Variants in PLEKHH2 observed in about 807,000 individuals in gnomAD.
The protein encoded by PLEKHH2 is pleckstrin homology, MyTH4 and FERM domain containing H2.
Under a neutral mutation model 187.9 loss-of-function variants are expected in PLEKHH2, and 129 were observed. The observed-to-expected ratio is 0.69, with a 90% CI of 0.59 to 0.79. The LOEUF (loss-of-function observed/expected upper bound fraction) is 0.79, where lower values mean the gene tolerates loss of function less well. PLEKHH2 is among the 30% of genes least tolerant of loss of function. The pLI, the probability that PLEKHH2 is intolerant of heterozygous loss-of-function variation, is 0.00. For missense variants in PLEKHH2, 2,076 were observed against 1,751.2 expected, an observed-to-expected ratio of 1.19 and a Z score of -3.31; for synonymous variants, 686 against 605.6, an observed-to-expected ratio of 1.13 and a Z score of -1.95.
At chr2:43,672,183 A>G (rs962605206) in intron 2 of PLEKHH2, among the ~76,000 whole-genome samples, 4 of 152,136 alleles carry the variant, frequency 2.6e-5, no homozygotes, top group Admixed American at 1.3e-4. Context: ...ATTTCATAAT[A>G]TTGTTATCTC....
Position 43,697,256 on chromosome 2 carries a change from T to C in PLEKHH2, c.588T>C (p.Phe196=). The change falls in exon 7 of 30, where the codon TTT becomes TTC. Residue 196 remains phenylalanine, a synonymous_variant. Transcript: ENST00000282406. ...QRLSSLTFGC[F]LSRARSPPQV... ...TGAGCAGTTTGACCTTTGGGTGCTT[T>C]TTATCTCGAGCAAGGAGTCCTCCTC... The C allele has an allele frequency of 6.2e-7, 1 of 1,613,986 alleles. No individual in the cohort carries two copies.
chr2:43,765,338 G>A, intron 29 of PLEKHH2, 75 bp from the exon 30 acceptor site: 1 of 1,439,618 alleles, frequency 6.9e-7, no homozygotes, highest in Admixed American at 1.8e-5. Flanking sequence ...GCTCACCTGT[G>A]GCCAACACTT....
chr2:43,717,052 G>T lies in PLEKHH2; in HGVS notation c.2461-3617G>T, dbSNP rs142761319. On this transcript the variant is annotated intron_variant, in intron 15 of 29. Transcript: ENST00000282406. ...CCCAAGTTGGCAGAGAAGGACATGG[G>T]GCCAGGAGGGGACTGATAAGCTAGA... 7.6e-3 allele frequency among the ~76,000 whole-genome samples: 1,162 copies of T among 152,288 alleles called. 4 individuals are homozygous for T. The highest frequency in any genetic ancestry group is 0.012 in the Non-Finnish European group (837 of 68,018).
In PLEKHH2 at chr2:43,745,838, A is replaced by G. The variant is rs752502703; in HGVS notation, c.3556-28A>G. The G allele has an allele frequency of 5.2e-6, 8 of 1,533,314 alleles. No homozygotes were observed. In the South Asian group the frequency reaches 9.3e-5, roughly 18 times the overall value. The allele number at this position is 1,533,314 out of a possible 1,614,324, so 95.0% of individuals were successfully genotyped here. On this transcript the variant is annotated intron_variant, in intron 23 of 29. Transcript: ENST00000282406. ...AAAATGTTGATTTGAAAAGTACTGT[A>G]AATCTCAGTTTTCCACTTCCTTTCT... is the stretch of plus-strand genomic sequence containing the variant.
chr2:43,740,730 A>G (rs1033607103), intron 20 of PLEKHH2: 2 of 738,686 alleles, frequency 2.7e-6, no homozygotes, highest in Non-Finnish European at 3.6e-6. Flanking sequence ...TCAGTTGTAG[A>G]TAACCATACA....
Position 43,726,185 on chromosome 2 carries a change from A to C in PLEKHH2, c.2542-87A>C. 3.2e-6 allele frequency: 3 copies of C among 941,036 alleles called. 1 individual carries two copies. Among genetic ancestry groups the C allele is most frequent in the Middle Eastern group, 5.5e-4 (2 of 3,628 alleles). The allele number at this position is 941,036 out of a possible 1,614,324, so 58.3% of individuals were successfully genotyped here. Reference sequence around the variant, plus strand: ...AAAATTTTTAAAGGTATGCTTTATAAATTTAAAAATGAAAAGGACTATGAA... The same window carrying C: ...AAAATTTTTAAAGGTATGCTTTATACATTTAAAAATGAAAAGGACTATGAA... On this transcript the variant is annotated intron_variant, in intron 16 of 29. Coordinates refer to ENST00000282406, the MANE Select transcript of PLEKHH2 (RefSeq NM_172069.4).
Position 43,739,790 on chromosome 2 carries a change from C to T in PLEKHH2, c.3124-1156C>T, listed in dbSNP as rs546900247. The stretch of plus-strand genomic sequence containing the variant: ...CACACTCCACCTTTGCAATATTCTC[C>T]ACCATGCACCTGATGGTATTCCTGT... On this transcript the variant is annotated intron_variant, in intron 20 of 29. Coordinates refer to ENST00000282406, the MANE Select transcript of PLEKHH2 (RefSeq NM_172069.4). 8.5e-5 allele frequency among the ~76,000 whole-genome samples: 13 copies of T among 152,306 alleles called. No homozygotes were observed. The South Asian group carries it at 2.7e-3, about 32-fold the overall frequency.
chr2:43,690,733 T>G (rs1002064073), intron 3 of PLEKHH2, among the ~76,000 whole-genome samples: 20 of 152,246 alleles, frequency 1.3e-4, no homozygotes, highest in Non-Finnish European at 5.9e-5. Flanking sequence ...AGTCTTAATA[T>G]TGTATATAGT....
At position 43,736,057 on chromosome 2, in the gene PLEKHH2, GTTA is replaced by G. The variant is rs201336807; in HGVS notation, c.2944-2269_2944-2267del. Among the ~76,000 whole-genome samples the G allele has an allele frequency of 5.5e-3, 835 of 151,914 alleles. 6 individuals are homozygous for G. The highest frequency in any genetic ancestry group is 0.034 in the South Asian group (162 of 4,812). On this transcript the variant is annotated intron_variant, in intron 19 of 29. Transcript: ENST00000282406. ...TTAAAGTATAAATTACATAAAGTTTGTTATTATTATTATTATTTAACATTCTGT... is the reference window on the plus strand; with the variant it reads ...TTAAAGTATAAATTACATAAAGTTTGTTATTATTATTATTTAACATTCTGT...
At chr2:43,723,017 C>T (rs1303340555) in intron 16 of PLEKHH2, among the ~76,000 whole-genome samples, 1 of 152,012 alleles carries the variant, frequency 6.6e-6, no homozygotes, top group African/African-American at 2.4e-5. Flanking sequence ...ATATTTGAAA[C>T]CACTAGGTCT....
chr2:43,760,130 T>A (rs1055080491), intron 27 of PLEKHH2, among the ~76,000 whole-genome samples: 6 of 152,190 alleles, frequency 3.9e-5, no homozygotes, highest in Admixed American at 3.3e-4. Flanking sequence ...TGGATTTTAA[T>A]TCTAACTTCA....
At chr2:43,685,842 A>G (rs1203996864) in intron 3 of PLEKHH2, among the ~76,000 whole-genome samples, 1 of 152,226 alleles carries the variant, frequency 6.6e-6, no homozygotes, top group Non-Finnish European at 1.5e-5. Flanking sequence ...ATAGAAAAGC[A>G]GCAAAGAGCA....
At chr2:43,646,817 T>C (rs1666205684) in intron 2 of PLEKHH2, among the ~76,000 whole-genome samples, 1 of 151,158 alleles carries the variant, frequency 6.6e-6, no homozygotes, top group African/African-American at 2.4e-5. Flanking sequence ...AATTTTCTTC[T>C]TCTTTTTTTT....
chr2:43,716,228 G>T (rs1240720356), intron 15 of PLEKHH2, among the ~76,000 whole-genome samples: 2 of 152,020 alleles, frequency 1.3e-5, no homozygotes, highest in African/African-American at 2.4e-5. Context: ...GGGAGGAGGG[G>T]GATTAAAGAC....
intron 2 of PLEKHH2, chr2:43,676,077 A>G (rs1173621654): frequency 1.2e-6 from 2 of 1,613,810 alleles, no homozygotes; most frequent in East Asian, 2.2e-5. Flanking sequence ...CAGCCCAGTA[A>G]CTCTCATCTT....
intron 2 of PLEKHH2, among the ~76,000 whole-genome samples, chr2:43,674,147 G>T (rs114309284): frequency 9.5e-4 from 144 of 152,254 alleles, no homozygotes; most frequent in African/African-American, 3.3e-3. Context: ...AGTGAAGCAA[G>T]CTGACTTTTA....
chr2:43,655,095 A>T (rs1362666834), intron 2 of PLEKHH2, among the ~76,000 whole-genome samples: 2 of 152,078 alleles, frequency 1.3e-5, no homozygotes, highest in East Asian at 3.9e-4. Context: ...AGCCCCAGCT[A>T]CTCAGGAGGC....
chr2:43,759,328 T>C (rs1415538047), intron 27 of PLEKHH2, among the ~76,000 whole-genome samples: 3 of 152,220 alleles, frequency 2.0e-5, no homozygotes, highest in Admixed American at 1.3e-4. Flanking sequence ...ATGTTTACTC[T>C]GTCACTCATT....
Position 43,687,170 on chromosome 2 carries a change from A to T in PLEKHH2, c.187-5344A>T, listed in dbSNP as rs146855382. ...TCTTGCTCCCTGTCTCATAGTCCTC[A>T]GTGTCTGTTGTCCCTATCTTTATGC... On this transcript the variant is annotated intron_variant, in intron 3 of 29. Transcript: ENST00000282406. 4.5e-3 allele frequency among the ~76,000 whole-genome samples: 682 copies of T among 152,158 alleles called. 6 individuals carry two copies. Among genetic ancestry groups the T allele is most frequent in the African/African-American group, 0.016 (660 of 41,488 alleles).
Sources: gnomAD v4.1 joint callset for allele counts (sites outside exome capture counted in the v4.1 genomes callset) on GRCh38, gnomAD v4.1.1 for gene constraint, MANE v1.5 for transcripts, NCBI Gene and HGNC (gene_info 2026-07-23, HGNC 2026-07-21) for gene names.